The following MAF variants were observed in gnomAD, a reference collection of about 807,000 sequenced individuals.
MAF encodes the protein MAF bZIP transcription factor, also known as transcription factor Maf.
A neutral mutation model predicts 22.0 loss-of-function variants in MAF; 10 were observed. The observed-to-expected ratio is 0.45, with a 90% CI of 0.28 to 0.77. The LOEUF is 0.77. Ranked by LOEUF, MAF falls within the 30% of genes least tolerant of loss-of-function variation. MAF has a pLI of 0.12. For synonymous variants in MAF, 337 were observed against 255.8 expected (o/e 1.32, Z -3.03); for missense variants, 544 against 548.4 (o/e 0.99, Z 0.08).
the MAF span, among the ~76,000 whole-genome samples, chr16:79,365,267 T>A: frequency 1.5e-4 from 23 of 152,350 alleles, no homozygotes; most frequent in African/African-American, 4.8e-4. Flanking sequence ...TAGGCCCTGC[T>A]ATCGTGCACT....
At chr16:79,388,473 C>T in the MAF span, among the ~76,000 whole-genome samples, 2 of 152,142 alleles carry the variant, frequency 1.3e-5, no homozygotes, top group Admixed American at 6.5e-5. Flanking sequence ...CTTCAATATG[C>T]GGAGGTCATT....
At chr16:79,232,113 T>C in the MAF span, among the ~76,000 whole-genome samples, 8 of 152,050 alleles carry the variant, frequency 5.3e-5, no homozygotes, top group African/African-American at 1.9e-4. Flanking sequence ...TGAAGTTTTG[T>C]TCCCTCACCT....
At chr16:79,543,842 G>A in the MAF span, among the ~76,000 whole-genome samples, 5 of 151,882 alleles carry the variant, frequency 3.3e-5, no homozygotes, top group Non-Finnish European at 7.4e-5. Flanking sequence ...GCCTACCACC[G>A]CGCCCGGCTA....
At chr16:79,485,746 C>T in the MAF span, among the ~76,000 whole-genome samples, 2 of 152,264 alleles carry the variant, frequency 1.3e-5, no homozygotes, top group African/African-American at 4.8e-5. Flanking sequence ...CTGAATCTTC[C>T]TTCTGTCCAA....
the MAF span, among the ~76,000 whole-genome samples, chr16:79,538,649 T>C: frequency 2.0e-5 from 3 of 152,116 alleles, no homozygotes; most frequent in Non-Finnish European, 2.9e-5. Flanking sequence ...TATATATTGC[T>C]GGGAGATATA....
chr16:79,540,367 C>G, the MAF span, among the ~76,000 whole-genome samples: 2 of 152,026 alleles, frequency 1.3e-5, no homozygotes, highest in Non-Finnish European at 2.9e-5. Flanking sequence ...GTCACTGGCT[C>G]CCAGAAGAAC....
At chr16:79,596,486 A>G in intron 1 of MAF, 1 of 1,051,958 alleles carries the variant, frequency 9.5e-7, no homozygotes. Flanking sequence ...GAATCAAAAA[A>G]AAATGCCGTT....
chr16:79,333,723 C>T, the MAF span, among the ~76,000 whole-genome samples: 1 of 152,336 alleles, frequency 6.6e-6, no homozygotes, highest in Non-Finnish European at 1.5e-5. Context: ...ACGCGGAAAC[C>T]TATCTGATGC....
chr16:79,447,161 G>T, the MAF span, among the ~76,000 whole-genome samples: 8 of 152,248 alleles, frequency 5.3e-5, no homozygotes, highest in South Asian at 1.5e-3. Flanking sequence ...ATGACTTTAA[G>T]TTGAAGCCAA....
chr16:79,391,705 G>A, the MAF span, among the ~76,000 whole-genome samples: 2 of 152,160 alleles, frequency 1.3e-5, no homozygotes, highest in African/African-American at 2.4e-5. Context: ...GATAAAGGGT[G>A]AGAGGAAGAA....
chr16:79,207,450 A>G, the MAF span, among the ~76,000 whole-genome samples: 6 of 152,222 alleles, frequency 3.9e-5, no homozygotes, highest in Non-Finnish European at 8.8e-5. Flanking sequence ...TGGTGTTCCA[A>G]GCCTAATCTA....
At chr16:79,347,609 G>A in the MAF span, among the ~76,000 whole-genome samples, 1 of 152,204 alleles carries the variant, frequency 6.6e-6, no homozygotes, top group African/African-American at 2.4e-5. Context: ...CGGCAGGGGA[G>A]GTGTCAGAGA....
the MAF span, among the ~76,000 whole-genome samples, chr16:79,475,362 ATG>A: frequency 2.6e-4 from 39 of 148,756 alleles, no homozygotes; most frequent in African/African-American, 5.7e-4. Context: ...ATGTATATAT[ATG>A]TGTGTGTGTG....
chr16:79,328,838 C>T, the MAF span, among the ~76,000 whole-genome samples: 13 of 152,186 alleles, frequency 8.5e-5, no homozygotes, highest in Non-Finnish European at 1.3e-4. Flanking sequence ...GCCAGGAAGC[C>T]GCTGCCTTAA....
At chr16:79,246,995 A>C in the MAF span, among the ~76,000 whole-genome samples, 1 of 152,216 alleles carries the variant, frequency 6.6e-6, no homozygotes, top group Non-Finnish European at 1.5e-5. Context: ...AAAATAAATC[A>C]ATCAATAAAC....
At chr16:79,278,429 G>A in the MAF span, among the ~76,000 whole-genome samples, 1 of 152,134 alleles carries the variant, frequency 6.6e-6, no homozygotes, top group African/African-American at 2.4e-5. Context: ...AAACAAACAA[G>A]GTCTCTTCCC....
At chr16:79,576,930 A>C in the MAF span, among the ~76,000 whole-genome samples, 1 of 152,168 alleles carries the variant, frequency 6.6e-6, no homozygotes, top group Non-Finnish European at 1.5e-5. Flanking sequence ...TTTTTATTAA[A>C]TGGGACTTTT....
chr16:79,507,192 C>T, the MAF span, among the ~76,000 whole-genome samples: 6 of 150,742 alleles, frequency 4.0e-5, no homozygotes, highest in East Asian at 9.8e-4. Context: ...CGGCCCACTG[C>T]AAGCTCTGCC....
the MAF span, among the ~76,000 whole-genome samples, chr16:79,287,258 T>C: frequency 6.6e-6 from 1 of 152,186 alleles, no homozygotes; most frequent in Non-Finnish European, 1.5e-5. Context: ...TATGCAGGAT[T>C]GCGGCAGGCT....
Sources: allele counts gnomAD v4.1 joint callset (sites outside exome capture counted in the v4.1 genomes callset), GRCh38; gene constraint gnomAD v4.1.1; transcripts MANE v1.5; gene names NCBI Gene and HGNC (gene_info 2026-07-23, HGNC 2026-07-21).